KLHL20: variants seen among roughly 807,000 people sequenced by gnomAD.
The protein encoded by KLHL20 is kelch-like protein 20.
A neutral mutation model predicts 69.5 loss-of-function variants in KLHL20; 29 were observed. The observed-to-expected ratio is 0.42, with a 90% CI of 0.31 to 0.57. KLHL20 has a LOEUF of 0.57. Among genes scored for constraint, KLHL20 ranks in the 20% least tolerant of loss-of-function variants. The pLI is 0.18. For synonymous variants in KLHL20, 253 were observed against 265.2 expected, an observed-to-expected ratio of 0.95 and a Z score of 0.45; for missense variants, 419 against 776.0, an observed-to-expected ratio of 0.54 and a Z score of 5.47.
At chr1:173,739,112 G>A (rs1426557194) in intron 3 of KLHL20, among the ~76,000 whole-genome samples, 1 of 151,688 alleles carries the variant, frequency 6.6e-6, no homozygotes, top group Non-Finnish European at 1.5e-5. Context: ...TTGCTCTGTC[G>A]ACCAGGCTGG....
intron 2 of KLHL20, among the ~76,000 whole-genome samples, chr1:173,731,043 A>G (rs1367151702): frequency 6.6e-6 from 1 of 152,202 alleles, no homozygotes; most frequent in Non-Finnish European, 1.5e-5. Flanking sequence ...AACCCCATCA[A>G]AAAGTGGGCA....
At chr1:173,720,779 G>A (rs1332919364) in intron 2 of KLHL20, among the ~76,000 whole-genome samples, 2 of 152,076 alleles carry the variant, frequency 1.3e-5, no homozygotes, top group East Asian at 1.9e-4. Flanking sequence ...TCCAAACTTA[G>A]GAAACCAGAT....
intron 2 of KLHL20, among the ~76,000 whole-genome samples, chr1:173,725,937 G>A (rs1671935410): frequency 6.6e-6 from 1 of 152,210 alleles, no homozygotes; most frequent in South Asian, 2.1e-4. Context: ...GTGAGCCAAA[G>A]CAGGGCGAGG....
At chr1:173,748,401 A>T (rs2102493928) in intron 3 of KLHL20, among the ~76,000 whole-genome samples, 1 of 152,304 alleles carries the variant, frequency 6.6e-6, no homozygotes, top group African/African-American at 2.4e-5. Context: ...TAGTAAATTA[A>T]TTCCAACAAA....
At chr1:173,760,724 A>G (rs1480498450) in intron 7 of KLHL20, among the ~76,000 whole-genome samples, 1 of 152,236 alleles carries the variant, frequency 6.6e-6, no homozygotes, top group Non-Finnish European at 1.5e-5. Context: ...GGAGCTGTAA[A>G]TCTTGAAAGA....
At chr1:173,779,080 A>G (rs1571937962) in intron 10 of KLHL20, among the ~76,000 whole-genome samples, 2 of 152,028 alleles carry the variant, frequency 1.3e-5, no homozygotes, top group African/African-American at 4.8e-5. Flanking sequence ...TCTTATTGCT[A>G]TAAACTTTCC....
chr1:173,736,922 C>A (rs1199230761), intron 3 of KLHL20, among the ~76,000 whole-genome samples: 1 of 152,068 alleles, frequency 6.6e-6, no homozygotes, highest in East Asian at 1.9e-4. Context: ...AAATTATGGC[C>A]ATTCTTGCAG....
chr1:173,724,819 A>G (rs1174679055), intron 2 of KLHL20, among the ~76,000 whole-genome samples: 3 of 152,158 alleles, frequency 2.0e-5, no homozygotes, highest in African/African-American at 7.2e-5. Flanking sequence ...AAAAGATACA[A>G]ATTTGTATCT....
intron 3 of KLHL20, among the ~76,000 whole-genome samples, chr1:173,750,630 T>A (rs1480761537): frequency 2.0e-5 from 3 of 152,036 alleles, no homozygotes; most frequent in Non-Finnish European, 4.4e-5. Context: ...GCCAGGCTAG[T>A]CTCAAACTCC....
chr1:173,716,040 G>C lies in KLHL20; in HGVS notation c.-4G>C. On this transcript the variant is annotated 5_prime_UTR_variant, in exon 2 of 12. Coordinates refer to ENST00000209884, the MANE Select transcript of KLHL20 (RefSeq NM_014458.4). ...AGTGTGGTGAAGGGTACTTTTCATG[G>C]TGCATGGAAGGAAAGCCAATGCGCA... The C allele has an allele frequency of 6.2e-7, 1 of 1,613,626 alleles. No homozygotes were observed. Among genetic ancestry groups the C allele is most frequent in the South Asian group, 1.1e-5 (1 of 90,994 alleles).
intron 3 of KLHL20, chr1:173,734,533 TA>T (rs369203145): frequency 3.6e-5 from 17 of 468,172 alleles, no homozygotes; most frequent in Non-Finnish European, 6.5e-5. Flanking sequence ...AAAAAATTTT[TA>T]AAAAGGTTTA....
Position 173,786,162 on chromosome 1 carries a change from ATGC to A in KLHL20, c.*917_*919del, listed in dbSNP as rs1303376977. 1 of 152,590 alleles carries A rather than the reference ATGC, an allele frequency of 6.6e-6. No homozygotes were observed. The highest frequency in any genetic ancestry group is 2.4e-5 in the African/African-American group (1 of 41,456). 9.5% of individuals were successfully genotyped at this position (152,590 alleles called of 1,614,324 possible). On this transcript the variant is annotated 3_prime_UTR_variant, in exon 12 of 12. Transcript: ENST00000209884. ...AATTCTGTTATGCAATTTATTCTTG[ATGC>A]TCAGGCCTGGTTAAGCTGAGGCTTA...
chr1:173,764,159 G>T (rs1647520406), intron 7 of KLHL20, among the ~76,000 whole-genome samples: 1 of 152,074 alleles, frequency 6.6e-6, no homozygotes, highest in Non-Finnish European at 1.5e-5. Context: ...AAATGCAAAT[G>T]AAAACCACAA....
Position 173,774,429 on chromosome 1 carries a change from C to G in KLHL20, c.1420C>G (p.Leu474Val), listed in dbSNP as rs1648316788. 2 of 1,614,096 alleles carry G rather than the reference C, an allele frequency of 1.2e-6. No individual in the cohort carries two copies. The highest frequency in any genetic ancestry group is 1.7e-6 in the Non-Finnish European group (2 of 1,179,998). Reference sequence around the variant, plus strand: ...AGGTGGCTCTGACGGGACATCTCCTCTCAACACAGGTTAGTCCCTCCCAAA... The same window carrying G: ...AGGTGGCTCTGACGGGACATCTCCTGTCAACACAGGTTAGTCCCTCCCAAA... ...AVGGSDGTSPLNTVERYNPQE... is the reference protein window; with the variant it reads ...AVGGSDGTSPVNTVERYNPQE... The change falls in exon 9 of 12, where the codon CTC (leucine) becomes GTC (valine). Residue 474 changes from leucine to valine, a missense_variant. Physicochemically the swap from Leu to Val is conservative, Grantham distance 32. Coordinates refer to ENST00000209884, the MANE Select transcript of KLHL20 (RefSeq NM_014458.4).
chr1:173,742,602 T>C (rs1024076455), intron 3 of KLHL20, among the ~76,000 whole-genome samples: 1 of 151,590 alleles, frequency 6.6e-6, no homozygotes, highest in Non-Finnish European at 1.5e-5. Flanking sequence ...GAAGGATATA[T>C]ACGTATATAT....
chr1:173,758,837 A>G (rs1290062413), intron 7 of KLHL20, among the ~76,000 whole-genome samples: 1 of 152,222 alleles, frequency 6.6e-6, no homozygotes, highest in African/African-American at 2.4e-5. Context: ...TCTCTAGCTG[A>G]ACTTTGTAAC....
chr1:173,770,599 G>C (rs1648020949), intron 8 of KLHL20, among the ~76,000 whole-genome samples: 1 of 150,448 alleles, frequency 6.6e-6, no homozygotes, highest in Non-Finnish European at 1.5e-5. Flanking sequence ...TGGGAGACTT[G>C]AACCCGAGAG....
intron 2 of KLHL20, among the ~76,000 whole-genome samples, chr1:173,717,078 GAAT>G (rs1308447388): frequency 1.3e-5 from 2 of 152,002 alleles, no homozygotes; most frequent in Non-Finnish European, 2.9e-5. Context: ...TCTGTAGTAG[GAAT>G]AATATTTTAC....
intron 2 of KLHL20, among the ~76,000 whole-genome samples, chr1:173,717,554 C>T (rs1671526802): frequency 6.6e-6 from 1 of 152,182 alleles, no homozygotes; most frequent in African/African-American, 2.4e-5. Flanking sequence ...GCTGATTTAA[C>T]CCAGAAGGCA....
Sources: allele counts gnomAD v4.1 joint callset (sites outside exome capture counted in the v4.1 genomes callset), GRCh38; gene constraint gnomAD v4.1.1; transcripts MANE v1.5; gene names NCBI Gene and HGNC (gene_info 2026-07-23, HGNC 2026-07-21).